GRPR: variants seen among roughly 807,000 people sequenced by gnomAD.
GRPR encodes gastrin-releasing peptide receptor.
In GRPR, 4 loss-of-function variants were observed where a neutral mutation model predicts 15.6. The observed-to-expected ratio is 0.26, with a 90% CI of 0.13 to 0.59. GRPR has a LOEUF of 0.59. Ranked by LOEUF, GRPR falls within the 20% of genes least tolerant of loss-of-function variation. The probability of loss-of-function intolerance (pLI) is 0.90; values close to 1 mark genes in which losing one functional copy is unlikely to be tolerated. For synonymous variants in GRPR, 128 were observed against 126.8 expected, an observed-to-expected ratio of 1.01 and a Z score of -0.06; for missense variants, 270 against 304.1, an observed-to-expected ratio of 0.89 and a Z score of 0.83.
intron 1 of GRPR, among the ~76,000 whole-genome samples, chrX:16,142,214 A>T (rs2147034534): frequency 8.9e-6 from 1 of 112,319 alleles, no homozygotes; most frequent in African/African-American, 3.2e-5. Context: ...AGGTTCACTG[A>T]CAATAAACTA....
At chrX:16,149,436 A>G (rs747414703) in intron 1 of GRPR, among the ~76,000 whole-genome samples, 1 of 111,192 alleles carries the variant, frequency 9.0e-6, no homozygotes, top group South Asian at 3.9e-4. Flanking sequence ...CAAACCAGGA[A>G]GAACCTAAAT....
chrX:16,137,127 G>A (rs1208206662), intron 1 of GRPR, among the ~76,000 whole-genome samples: 1 of 111,617 alleles, frequency 9.0e-6, no homozygotes, highest in Non-Finnish European at 1.9e-5. Context: ...ATAAAGAAAA[G>A]GCATACATCT....
chrX:16,145,078 T>A, intron 1 of GRPR, among the ~76,000 whole-genome samples: 1 of 111,502 alleles, frequency 9.0e-6, no homozygotes, highest in Admixed American at 9.5e-5. Context: ...ATAACCACCA[T>A]GAAGAACAGT....
Position 16,153,155 on chromosome X carries a change from G to C in GRPR, c.*510G>C, listed in dbSNP as rs186536403. ...TTTATTTACACTCCTAATATGAAAA[G>C]TCAATCCTGTGAGAGAGCTCCATGT... On this transcript the variant is annotated 3_prime_UTR_variant, in exon 3 of 3. Transcript: ENST00000380289. 41 of 119,830 alleles carry C rather than the reference G, an allele frequency of 3.4e-4. No individual in the cohort carries two copies. Among genetic ancestry groups the C allele is most frequent in the Admixed American group, 3.4e-3 (41 of 12,194 alleles). 9.9% of individuals were successfully genotyped at this position (119,830 alleles called of 1,213,427 possible).
intron 1 of GRPR, among the ~76,000 whole-genome samples, chrX:16,134,968 C>T (rs1368705388): frequency 1.8e-5 from 2 of 111,411 alleles, no homozygotes; most frequent in East Asian, 5.6e-4. Flanking sequence ...CTACTACCTC[C>T]CTTAAAGACC....
chrX:16,150,598 A>C lies in GRPR; in HGVS notation c.707A>C (p.Asn236Thr). 2 of 1,201,760 alleles carry C rather than the reference A, an allele frequency of 1.7e-6. No individual in the cohort carries two copies. The highest frequency in any genetic ancestry group is 2.3e-6 in the Non-Finnish European group (2 of 886,122). Residue 236 changes from asparagine (N) to threonine (T), a missense_variant, in exon 2 of 3, where the codon AAT (asparagine) becomes ACT (threonine). Asn to Thr is a moderately conservative substitution (Grantham distance 65). Around this residue, in one of 3 missense-constraint regions of GRPR, gnomAD observed 133 missense variants for 123.4 expected, o/e 1.08. Transcript: ENST00000380289. ...ISVYYYFIAK[N>T]LIQSAYNLPV... ...GTTTACTACTACTTCATTGCTAAAA[A>C]TCTGATCCAGAGTGCTTACAATCTT...
At chrX:16,129,413 C>T (rs1325284358) in intron 1 of GRPR, among the ~76,000 whole-genome samples, 1 of 111,904 alleles carries the variant, frequency 8.9e-6, no homozygotes, top group Non-Finnish European at 1.9e-5. Context: ...TCAGTAGCCA[C>T]ATGTGGCTAG....
At chrX:16,128,834 G>A (rs1922336294) in intron 1 of GRPR, among the ~76,000 whole-genome samples, 1 of 111,264 alleles carries the variant, frequency 9.0e-6, no homozygotes, top group Non-Finnish European at 1.9e-5. Flanking sequence ...TTACATACTG[G>A]TCCTTCCTAT....
chrX:16,128,121 AAT>A (rs1427106766), intron 1 of GRPR, among the ~76,000 whole-genome samples: 1 of 112,524 alleles, frequency 8.9e-6, no homozygotes, highest in African/African-American at 3.2e-5. Context: ...GTGATCAATA[AAT>A]ATTGACTAAT....
At chrX:16,126,339 G>A (rs2147029482) in intron 1 of GRPR, among the ~76,000 whole-genome samples, 1 of 112,078 alleles carries the variant, frequency 8.9e-6, no homozygotes, top group African/African-American at 3.2e-5. Context: ...TGAGCTAAAT[G>A]ATTAAGACTG....
chrX:16,130,856 A>G (rs1329846182), intron 1 of GRPR, among the ~76,000 whole-genome samples: 1 of 112,393 alleles, frequency 8.9e-6, no homozygotes, highest in Admixed American at 9.4e-5. Flanking sequence ...TCTGGAAGGA[A>G]ACTCAACTCA....
intron 1 of GRPR, among the ~76,000 whole-genome samples, chrX:16,132,852 T>C (rs1274231790): frequency 8.9e-6 from 1 of 112,123 alleles, no homozygotes; most frequent in Non-Finnish European, 1.9e-5. Flanking sequence ...AATTGATGAC[T>C]CCTAGTAACC....
chrX:16,152,745 A>T lies in GRPR; in HGVS notation c.*100A>T. On this transcript the variant is annotated 3_prime_UTR_variant, in exon 3 of 3. Coordinates refer to ENST00000380289, the MANE Select transcript of GRPR (RefSeq NM_005314.3). ...TGTCTGTGCCCTCCAAAGAGCCTTC[A>T]GAATGCTCCTGAGTGGTGTAGGTGG... The T allele has an allele frequency of 2.2e-5, 16 of 726,858 alleles. No individual in the cohort carries two copies. The highest frequency in any genetic ancestry group is 3.5e-5 in the Non-Finnish European group (16 of 459,372). 59.9% of individuals were successfully genotyped at this position (726,858 alleles called of 1,213,427 possible). A position where few individuals can be genotyped will look rare whatever the true frequency, so the allele number is the denominator to read the frequency against.
chrX:16,151,894 A>C (rs770573371), intron 2 of GRPR, among the ~76,000 whole-genome samples: 28 of 111,831 alleles, frequency 2.5e-4, no homozygotes, highest in Non-Finnish European at 4.9e-4. Context: ...AAAAGGGGGC[A>C]CTTATTAGAA....
intron 1 of GRPR, among the ~76,000 whole-genome samples, chrX:16,142,388 AT>A (rs1439607187): frequency 9.1e-6 from 1 of 110,321 alleles, no homozygotes; most frequent in Non-Finnish European, 1.9e-5. Context: ...CATTTCCTAG[AT>A]TTTTTTTCTC....
intron 1 of GRPR, among the ~76,000 whole-genome samples, chrX:16,149,833 G>C (rs1414239195): frequency 9.0e-6 from 1 of 110,898 alleles, no homozygotes; most frequent in African/African-American, 3.3e-5. Context: ...TAATAACAAT[G>C]TATTGCACAC....
chrX:16,148,443 G>GA (rs1922639490), intron 1 of GRPR, among the ~76,000 whole-genome samples: 1 of 111,394 alleles, frequency 9.0e-6, no homozygotes, highest in Non-Finnish European at 1.9e-5. Context: ...GTAGGAGGAG[G>GA]AAAGTGAGTG....
At chrX:16,134,957 A>G (rs757508866) in intron 1 of GRPR, among the ~76,000 whole-genome samples, 2 of 111,255 alleles carry the variant, frequency 1.8e-5, no homozygotes, top group Non-Finnish European at 3.8e-5. Context: ...TACATCCTAT[A>G]CTACTACCTC....
intron 1 of GRPR, among the ~76,000 whole-genome samples, chrX:16,132,714 T>C (rs1377442079): frequency 8.9e-6 from 1 of 111,829 alleles, no homozygotes; most frequent in Non-Finnish European, 1.9e-5. Flanking sequence ...ATTGGTAGTG[T>C]CATATATATG....
Sources: gnomAD v4.1 joint callset for allele counts (sites outside exome capture counted in the v4.1 genomes callset) on GRCh38, gnomAD v4.1.1 for gene constraint, gnomAD v4.1.1 regional missense constraint, MANE v1.5 for transcripts, NCBI Gene and HGNC (gene_info 2026-07-23, HGNC 2026-07-21) for gene names.